The following SMCO4 variants were observed in gnomAD, a reference collection of about 807,000 sequenced individuals.
The protein encoded by SMCO4 is single-pass membrane and coiled-coil domain-containing protein 4.
SMCO4 carries 4 observed loss-of-function variants against 3.6 expected under a neutral mutation model. The observed-to-expected ratio is 1.11, with a 90% CI of 0.54 to 2.53. SMCO4 has a LOEUF of 2.53. Ranked by LOEUF, SMCO4 falls within the 30% of genes most tolerant of loss-of-function variation. SMCO4 has a pLI of 0.02. For missense variants in SMCO4, 70 were observed against 80.8 expected (o/e 0.87, Z 0.51); for synonymous variants, 36 against 35.3 (o/e 1.02, Z -0.07).
chr11:93,505,182 T>C (rs970618545), intron 1 of SMCO4, among the ~76,000 whole-genome samples: 1 of 152,196 alleles, frequency 6.6e-6, no homozygotes, highest in African/African-American at 2.4e-5. Flanking sequence ...TGGCAGAACG[T>C]TGAGAGGAAG....
the SMCO4 span, among the ~76,000 whole-genome samples, chr11:93,549,770 C>T: frequency 6.6e-6 from 1 of 152,088 alleles, no homozygotes; most frequent in African/African-American, 2.4e-5. Context: ...AGAGGTAAAA[C>T]TTACCCTCCC....
At chr11:93,503,654 C>T (rs1468260988) in intron 1 of SMCO4, among the ~76,000 whole-genome samples, 1 of 152,180 alleles carries the variant, frequency 6.6e-6, no homozygotes, top group Non-Finnish European at 1.5e-5. Context: ...CACAGACACA[C>T]ACTGTGAAAA....
intron 1 of SMCO4, among the ~76,000 whole-genome samples, chr11:93,520,871 T>C (rs1323179934): frequency 1.3e-5 from 2 of 152,002 alleles, no homozygotes; most frequent in Non-Finnish European, 2.9e-5. Context: ...TTCAAGGACT[T>C]CGTTCTAAGT....
chr11:93,480,252 C>G (rs1948576062), intron 2 of SMCO4, among the ~76,000 whole-genome samples: 1 of 152,190 alleles, frequency 6.6e-6, no homozygotes, highest in Non-Finnish European at 1.5e-5. Flanking sequence ...GCTGCCATAA[C>G]TGGAGCCCAA....
chr11:93,531,382 C>A (rs61918481), intron 1 of SMCO4, among the ~76,000 whole-genome samples: 135 of 152,140 alleles, frequency 8.9e-4, no homozygotes, highest in Non-Finnish European at 1.6e-3. Flanking sequence ...GTCTCAGTAC[C>A]TGGATTGGAA....
intron 2 of SMCO4, among the ~76,000 whole-genome samples, chr11:93,481,008 T>A (rs928508803): frequency 6.6e-6 from 1 of 151,520 alleles, no homozygotes; most frequent in Non-Finnish European, 1.5e-5. Context: ...TTTGGGCAAA[T>A]GTATAATTTC....
the SMCO4 span, among the ~76,000 whole-genome samples, chr11:93,551,666 C>A: frequency 6.6e-6 from 1 of 152,166 alleles, no homozygotes; most frequent in African/African-American, 2.4e-5. Flanking sequence ...GCCTGGAGAG[C>A]GGATGGCTCT....
chr11:93,530,540 C>G (rs1030395630), intron 1 of SMCO4, among the ~76,000 whole-genome samples: 3 of 152,216 alleles, frequency 2.0e-5, no homozygotes, highest in Admixed American at 1.3e-4. Context: ...CTGGCCCACA[C>G]TACCTGCTTT....
intron 1 of SMCO4, among the ~76,000 whole-genome samples, chr11:93,537,258 C>T (rs1949234577): frequency 6.6e-6 from 1 of 152,244 alleles, no homozygotes; most frequent in Non-Finnish European, 1.5e-5. Context: ...GTGCCAGGCT[C>T]CTGGGATTGC....
chr11:93,551,042 C>T, the SMCO4 span, among the ~76,000 whole-genome samples: 1 of 152,164 alleles, frequency 6.6e-6, no homozygotes, highest in Non-Finnish European at 1.5e-5. Context: ...TCAATCACTT[C>T]ACATGTATTT....
chr11:93,532,810 T>C (rs918753155), intron 1 of SMCO4, among the ~76,000 whole-genome samples: 9 of 151,994 alleles, frequency 5.9e-5, no homozygotes, highest in Non-Finnish European at 1.3e-4. Flanking sequence ...TCCTGCTGTT[T>C]AAGCCACTCA....
At position 93,482,363 on chromosome 11, in the gene SMCO4, T is replaced by C. The variant is rs112493536; in HGVS notation, c.-80-3094A>G. On this transcript the variant is annotated intron_variant, in intron 2 of 2. Coordinates refer to ENST00000298966, the MANE Select transcript of SMCO4 (RefSeq NM_020179.3). Reference sequence around the variant, plus strand: ...CAAGAAGCGCATTGAGTGCTCTGCATGTGAGGATGCTTCTTAGACATCGTC... The same window carrying C: ...CAAGAAGCGCATTGAGTGCTCTGCACGTGAGGATGCTTCTTAGACATCGTC... Among the ~76,000 whole-genome samples the C allele has an allele frequency of 2.0e-5, 3 of 152,206 alleles. No individual in the cohort carries two copies. In the South Asian group the frequency reaches 6.2e-4, roughly 31 times the overall value.
At chr11:93,552,092 A>C in the SMCO4 span, among the ~76,000 whole-genome samples, 1 of 151,812 alleles carries the variant, frequency 6.6e-6, no homozygotes, top group Non-Finnish European at 1.5e-5. Context: ...CTTTGGAAAC[A>C]CTAAAATGTT....
upstream of SMCO4, among the ~76,000 whole-genome samples, chr11:93,546,327 C>T (rs2134648898): frequency 6.6e-6 from 1 of 152,272 alleles, no homozygotes; most frequent in East Asian, 1.9e-4. Flanking sequence ...GTTTAAAATC[C>T]TTTGGCAGTC....
At chr11:93,552,152 C>CTTTT in the SMCO4 span, among the ~76,000 whole-genome samples, 90 of 109,020 alleles carry the variant, frequency 8.3e-4, no homozygotes, top group Non-Finnish European at 1.0e-3. Context: ...CTCATCACTA[C>CTTTT]TTTTTTTTTT....
At chr11:93,531,880 G>A (rs1484272866) in intron 1 of SMCO4, among the ~76,000 whole-genome samples, 1 of 152,162 alleles carries the variant, frequency 6.6e-6, no homozygotes, top group Non-Finnish European at 1.5e-5. Context: ...CCTTTGGAGA[G>A]GCTAATCAGA....
At chr11:93,529,487 C>T (rs535661896) in intron 1 of SMCO4, among the ~76,000 whole-genome samples, 85 of 152,220 alleles carry the variant, frequency 5.6e-4, no homozygotes, top group African/African-American at 2.0e-3. Flanking sequence ...CCCAGATAAC[C>T]TCCCCAAGCA....
At chr11:93,525,256 A>G (rs913802167) in intron 1 of SMCO4, among the ~76,000 whole-genome samples, 2 of 152,246 alleles carry the variant, frequency 1.3e-5, no homozygotes, top group Admixed American at 1.3e-4. Context: ...TGGGTCTGTC[A>G]GCAAATTACT....
intron 1 of SMCO4, among the ~76,000 whole-genome samples, chr11:93,534,373 T>TAGAGAG (rs559386704): frequency 0.02 from 2,664 of 134,126 alleles, 34 homozygotes; most frequent in South Asian, 0.03. Flanking sequence ...TATATATATA[T>TAGAGAG]ATAGAGAGAG....
Sources: gnomAD v4.1 joint callset for allele counts (sites outside exome capture counted in the v4.1 genomes callset) on GRCh38, gnomAD v4.1.1 for gene constraint, MANE v1.5 for transcripts, NCBI Gene and HGNC (gene_info 2026-07-23, HGNC 2026-07-21) for gene names.